The following TDRD9 variants were observed in gnomAD, a reference collection of about 807,000 sequenced individuals.
TDRD9 encodes tudor domain containing 9.
TDRD9 carries 124 observed loss-of-function variants against 172.6 expected under a neutral mutation model. The ratio of observed to expected loss-of-function variants is 0.72; its 90% confidence interval spans 0.62 to 0.83. The LOEUF is 0.83. Ranked by LOEUF, TDRD9 falls within the 40% of genes least tolerant of loss-of-function variation. TDRD9 has a pLI of 0.00. For missense variants in TDRD9, 1,479 were observed against 1,714.1 expected (o/e 0.86, Z 2.42); for synonymous variants, 619 against 617.1 (o/e 1.00, Z -0.05).
At chr14:103,929,812 G>A (rs189518381) in intron 1 of TDRD9, among the ~76,000 whole-genome samples, 3 of 152,304 alleles carry the variant, frequency 2.0e-5, no homozygotes, top group Admixed American at 6.5e-5. Flanking sequence ...GAGCCACTGC[G>A]CCCGGCCTGC....
intron 8 of TDRD9, among the ~76,000 whole-genome samples, chr14:103,990,488 C>T (rs1373938194): frequency 6.6e-6 from 1 of 152,246 alleles, no homozygotes; most frequent in Admixed American, 6.5e-5. Flanking sequence ...CTCCTGAGAG[C>T]ACTCCATACA....
chr14:104,016,253 T>G (rs1374630732), intron 22 of TDRD9, among the ~76,000 whole-genome samples, 165 bp downstream of exon 22: 1 of 152,220 alleles, frequency 6.6e-6, no homozygotes, highest in African/African-American at 2.4e-5. Flanking sequence ...GGCCTTTTCA[T>G]GTGTATCTAC....
At chr14:103,934,983 T>G (rs1323962181) in intron 1 of TDRD9, among the ~76,000 whole-genome samples, 1 of 152,174 alleles carries the variant, frequency 6.6e-6, no homozygotes, top group Non-Finnish European at 1.5e-5. Flanking sequence ...TGATGCTCCT[T>G]GAGGTAGGAG....
At chr14:104,007,398 C>T (rs564287006) in intron 19 of TDRD9, among the ~76,000 whole-genome samples, 194 bp downstream of exon 19, 4 of 152,314 alleles carry the variant, frequency 2.6e-5, no homozygotes, top group Non-Finnish European at 5.9e-5. Flanking sequence ...TTGCTTCCAT[C>T]GCTTCTCGGG....
At position 103,994,509 on chromosome 14, in the gene TDRD9, AATTTCTT is replaced by A. The variant is rs2033986087; in HGVS notation, c.1236-8_1236-2del. 1 of 1,612,674 alleles carries A rather than the reference AATTTCTT, an allele frequency of 6.2e-7. No homozygotes were observed. Among genetic ancestry groups the A allele is most frequent in the South Asian group, 1.1e-5 (1 of 90,960 alleles). On this transcript the variant is annotated splice_region_variant and splice_polypyrimidine_tract_variant and intron_variant, in intron 10 of 35. Transcript: ENST00000409874. ...TTCTTTATGGAGATTTTATTTTAGT[AATTTCTT>A]AGGTTGCAGGTCTATCCACTCCATT...
rs570548684 is a variant in TDRD9 at position 103,966,725 on chromosome 14, T to C, written c.659T>C (p.Ile220Thr). 1.3e-6 allele frequency: 2 copies of C among 1,546,838 alleles called. No homozygotes were observed. Among genetic ancestry groups the C allele is most frequent in the South Asian group, 1.2e-5 (1 of 83,156 alleles). The stretch of plus-strand genomic sequence containing the variant: ...CAATTTTAGGTAGGGCTAGAGAAAA[T>C]AGCAACAGAGGACACCAGGCTAATT... ...VVGYQVGLEK[I>T]ATEDTRLIYM... Residue 220 changes from isoleucine (I) to threonine (T), a missense_variant, in exon 5 of 36, where the codon ATA (isoleucine) becomes ACA (threonine). Around this residue, in one of 3 missense-constraint regions of TDRD9, gnomAD observed 1,413 missense variants for 1,649.1 expected, o/e 0.86. Coordinates refer to ENST00000409874, the MANE Select transcript of TDRD9 (RefSeq NM_153046.3).
At chr14:103,951,455 A>G (rs1204180846) in intron 1 of TDRD9, among the ~76,000 whole-genome samples, 1 of 152,252 alleles carries the variant, frequency 6.6e-6, no homozygotes, top group Non-Finnish European at 1.5e-5. Flanking sequence ...GGACTTCTGG[A>G]TAACACACTG....
intron 5 of TDRD9, among the ~76,000 whole-genome samples, chr14:103,968,776 A>T: frequency 1.2e-5 from 1 of 80,598 alleles, no homozygotes; most frequent in South Asian, 4.1e-4. Context: ...AGCCTGGGCG[A>T]CAGAGTGAGA....
intron 7 of TDRD9, among the ~76,000 whole-genome samples, chr14:103,983,337 A>G (rs565038579): frequency 6.6e-6 from 1 of 152,192 alleles, no homozygotes; most frequent in East Asian, 1.9e-4. Context: ...TGCTAGGATT[A>G]CAGGCATGAG....
At chr14:104,048,114 C>A (rs931448186) in intron 34 of TDRD9, among the ~76,000 whole-genome samples, 10 of 152,158 alleles carry the variant, frequency 6.6e-5, no homozygotes, top group Admixed American at 2.0e-4. Flanking sequence ...TCCCCCAGAG[C>A]TGCTGTTTTT....
At chr14:104,040,439 C>A (rs1408250324) in intron 33 of TDRD9, 105 bp downstream of exon 33, 2 of 1,222,052 alleles carry the variant, frequency 1.6e-6, no homozygotes, top group Non-Finnish European at 2.1e-6. Flanking sequence ...TGCAGACACA[C>A]ACCTCTGGTC....
chr14:103,941,180 A>T, intron 1 of TDRD9: 4 of 1,169,742 alleles, frequency 3.4e-6, no homozygotes, highest in Non-Finnish European at 4.7e-6. Flanking sequence ...ATACAGCTTG[A>T]ATAATGTATA....
At chr14:104,033,279 G>C (rs754945253) in intron 30 of TDRD9, among the ~76,000 whole-genome samples, 14 of 152,166 alleles carry the variant, frequency 9.2e-5, no homozygotes, top group Non-Finnish European at 2.1e-4. Context: ...GGCCTCTGGC[G>C]ATCTGCCTGT....
intron 2 of TDRD9, among the ~76,000 whole-genome samples, chr14:103,957,950 ATATTTGGGG>A (rs2032325815): frequency 6.6e-6 from 1 of 152,178 alleles, no homozygotes; most frequent in Non-Finnish European, 1.5e-5. Flanking sequence ...GTATCATAAT[ATATTTGGGG>A]CTTTTCTCTG....
At chr14:103,954,809 A>G (rs1046010289) in intron 1 of TDRD9, among the ~76,000 whole-genome samples, 1 of 152,006 alleles carries the variant, frequency 6.6e-6, no homozygotes, top group Non-Finnish European at 1.5e-5. Flanking sequence ...TTGTATTTTT[A>G]GTAGAGACAG....
At chr14:103,993,916 C>T (rs890090305) in intron 9 of TDRD9, among the ~76,000 whole-genome samples, 1 of 152,236 alleles carries the variant, frequency 6.6e-6, no homozygotes, top group Non-Finnish European at 1.5e-5. Context: ...GCTTAGCTTT[C>T]AGCAAACAGG....
chr14:103,953,470 C>T (rs2032046325), intron 1 of TDRD9, among the ~76,000 whole-genome samples: 1 of 152,170 alleles, frequency 6.6e-6, no homozygotes, highest in Non-Finnish European at 1.5e-5. Context: ...ACAGGATTCT[C>T]CAGAGAAACA....
intron 2 of TDRD9, among the ~76,000 whole-genome samples, chr14:103,960,248 GACAT>G (rs61302447): frequency 0.025 from 3,737 of 152,284 alleles, 163 homozygotes; most frequent in Admixed American, 0.12. Context: ...CATGTGAACT[GACAT>G]ACTTACCAGT....
chr14:104,002,931 A>T (rs1430411914), intron 13 of TDRD9, among the ~76,000 whole-genome samples: 1 of 151,954 alleles, frequency 6.6e-6, no homozygotes, highest in African/African-American at 2.4e-5. Flanking sequence ...GGGTTTCACC[A>T]TGTTGGCCAG....
Sources: allele counts gnomAD v4.1 joint callset (sites outside exome capture counted in the v4.1 genomes callset), GRCh38; gene constraint gnomAD v4.1.1; regional missense constraint gnomAD v4.1.1; transcripts MANE v1.5; gene names NCBI Gene and HGNC (gene_info 2026-07-23, HGNC 2026-07-21).